The following SIK2 variants were observed in gnomAD, a reference collection of about 807,000 sequenced individuals.
SIK2 encodes the protein serine/threonine-protein kinase SIK2.
A neutral mutation model predicts 103.2 loss-of-function variants in SIK2; 29 were observed. That is an observed-to-expected ratio of 0.28 (90% CI 0.21 to 0.38). SIK2 has a LOEUF of 0.38. Among genes scored for constraint, SIK2 ranks in the 10% least tolerant of loss-of-function variants. The pLI is 1.00. For synonymous variants in SIK2, 412 were observed against 446.1 expected, an observed-to-expected ratio of 0.92 and a Z score of 0.96; for missense variants, 879 against 1,171.0, an observed-to-expected ratio of 0.75 and a Z score of 3.64.
chr11:111,708,686 C>T (rs1372095820), intron 8 of SIK2, among the ~76,000 whole-genome samples: 1 of 151,994 alleles, frequency 6.6e-6, no homozygotes, highest in East Asian at 1.9e-4. Context: ...TGGGCTCAGG[C>T]GATTCTCCCA....
chr11:111,719,711 C>T, intron 9 of SIK2, 64 bp from the exon 10 acceptor site: 1 of 1,500,308 alleles, frequency 6.7e-7, no homozygotes, highest in Non-Finnish European at 9.1e-7. Context: ...GACATGTTTT[C>T]CTTTGTGGAT....
intron 3 of SIK2, among the ~76,000 whole-genome samples, chr11:111,665,334 G>C (rs1037943185): frequency 9.9e-5 from 15 of 151,728 alleles, no homozygotes; most frequent in Admixed American, 9.8e-4. Flanking sequence ...TGTGCCTGCT[G>C]CAGTCCCAGC....
chr11:111,616,392 T>C, intron 2 of SIK2, 33 bp downstream of exon 2: 2 of 1,144,902 alleles, frequency 1.7e-6, no homozygotes, highest in Non-Finnish European at 2.6e-6. Flanking sequence ...CTCCATTCAT[T>C]CCACAAGATA....
rs1252857904 is a variant in SIK2 at position 111,729,598 on chromosome 11, G to A, written c.*5469G>A. On this transcript the variant is annotated 3_prime_UTR_variant, in exon 15 of 15. Transcript: ENST00000304987. ...TTTTGGTTCTCTGGCTTCTAGTGCT[G>A]GAAGAAGCCCTCTCTTTCCCTTCTC... The A allele has an allele frequency of 1.3e-5, 2 of 152,236 alleles. No individual in the cohort carries two copies. Among genetic ancestry groups the A allele is most frequent in the Non-Finnish European group, 2.9e-5 (2 of 68,062 alleles). 9.4% of individuals were successfully genotyped at this position (152,236 alleles called of 1,614,324 possible).
At chr11:111,638,144 A>G (rs1001742561) in intron 3 of SIK2, among the ~76,000 whole-genome samples, 1 of 152,234 alleles carries the variant, frequency 6.6e-6, no homozygotes, top group Non-Finnish European at 1.5e-5. Flanking sequence ...TCTTCTACCC[A>G]TAAGGTAAAG....
chr11:111,715,335 G>T (rs1943609980), intron 9 of SIK2, among the ~76,000 whole-genome samples: 1 of 152,178 alleles, frequency 6.6e-6, no homozygotes, highest in African/African-American at 2.4e-5. Context: ...AAACTTATCA[G>T]AGACACAGTT....
chr11:111,712,133 A>G, intron 8 of SIK2, 78 bp from the exon 9 acceptor site: 1 of 1,390,846 alleles, frequency 7.2e-7, no homozygotes, highest in East Asian at 2.3e-5. Flanking sequence ...AGGAAGAATT[A>G]TTTTATTCTT....
At chr11:111,712,787 A>G (rs1372527259) in intron 9 of SIK2, among the ~76,000 whole-genome samples, 1 of 152,240 alleles carries the variant, frequency 6.6e-6, no homozygotes, top group Non-Finnish European at 1.5e-5. Flanking sequence ...GCTCTTCTGC[A>G]TAGGTACCTC....
chr11:111,704,078 G>T (rs1053176927), intron 7 of SIK2, among the ~76,000 whole-genome samples: 1 of 152,208 alleles, frequency 6.6e-6, no homozygotes, highest in Non-Finnish European at 1.5e-5. Flanking sequence ...ATGCCGCCTT[G>T]TTTGCTGTGA....
intron 3 of SIK2, among the ~76,000 whole-genome samples, chr11:111,625,087 A>G (rs1458406222): frequency 6.6e-6 from 1 of 152,164 alleles, no homozygotes; most frequent in Non-Finnish European, 1.5e-5. Flanking sequence ...TCAGAGGGTA[A>G]ATGAGAGGCA....
At chr11:111,656,761 T>A (rs1476233277) in intron 3 of SIK2, among the ~76,000 whole-genome samples, 1 of 152,230 alleles carries the variant, frequency 6.6e-6, no homozygotes, top group Non-Finnish European at 1.5e-5. Context: ...CTTACCTGAG[T>A]TACTCGTAAG....
chr11:111,666,624 T>C (rs1444830848), intron 3 of SIK2, among the ~76,000 whole-genome samples: 2 of 152,194 alleles, frequency 1.3e-5, no homozygotes, highest in African/African-American at 4.8e-5. Context: ...AAATTTTCAT[T>C]GTTACAATCT....
intron 3 of SIK2, among the ~76,000 whole-genome samples, chr11:111,642,949 C>T (rs1422372261): frequency 6.8e-6 from 1 of 147,558 alleles, no homozygotes; most frequent in African/African-American, 2.6e-5. Context: ...TCTATAATTC[C>T]CTCACCCTTA....
intron 4 of SIK2, among the ~76,000 whole-genome samples, chr11:111,698,762 T>C (rs543877590): frequency 6.6e-6 from 1 of 152,284 alleles, no homozygotes; most frequent in East Asian, 1.9e-4. Context: ...ATTTGGAGAG[T>C]ATCCTCAATT....
At chr11:111,670,109 T>A (rs1449638708) in intron 3 of SIK2, among the ~76,000 whole-genome samples, 4 of 152,218 alleles carry the variant, frequency 2.6e-5, no homozygotes, top group Non-Finnish European at 5.9e-5. Flanking sequence ...TAAATTATAG[T>A]CACCCCACTG....
chr11:111,704,616 G>A (rs1026595135), intron 7 of SIK2, among the ~76,000 whole-genome samples: 5 of 152,074 alleles, frequency 3.3e-5, no homozygotes. Flanking sequence ...TTAGAGCCTC[G>A]GGCTCAGGTT....
rs76725017 is a variant in SIK2 at position 111,663,961 on chromosome 11, C to A, written c.317-24040C>A. Among the ~76,000 whole-genome samples the A allele has an allele frequency of 6.5e-3, 990 of 152,316 alleles. 10 individuals carry two copies. The highest frequency in any genetic ancestry group is 0.022 in the African/African-American group (924 of 41,564). On this transcript the variant is annotated intron_variant, in intron 3 of 14. Transcript: ENST00000304987. ...ATAAGTGGTGGCACTGGATTTGAAG[C>A]TTCAGATCCTGTGCTCTAATCATTA...
intron 3 of SIK2, among the ~76,000 whole-genome samples, chr11:111,655,656 G>T (rs1213892509): frequency 6.6e-6 from 1 of 152,100 alleles, no homozygotes; most frequent in East Asian, 1.9e-4. Flanking sequence ...GACTCTCTTG[G>T]CTTTATAGCT....
intron 1 of SIK2, among the ~76,000 whole-genome samples, chr11:111,614,848 G>A (rs1188299400): frequency 6.6e-6 from 1 of 152,176 alleles, no homozygotes; most frequent in African/African-American, 2.4e-5. Context: ...GATATTAAAA[G>A]TTATCCTCGG....
Sources: gnomAD v4.1 joint callset for allele counts (sites outside exome capture counted in the v4.1 genomes callset) on GRCh38, gnomAD v4.1.1 for gene constraint, MANE v1.5 for transcripts, NCBI Gene and HGNC (gene_info 2026-07-23, HGNC 2026-07-21) for gene names.